Variants in LRRC4C observed in about 807,000 individuals in gnomAD.
The protein encoded by LRRC4C is leucine rich repeat containing 4C.
A neutral mutation model predicts 33.6 loss-of-function variants in LRRC4C; 5 were observed. That is an observed-to-expected ratio of 0.15 (90% confidence interval 0.08 to 0.31). The LOEUF (loss-of-function observed/expected upper bound fraction) is 0.31. Ranked by LOEUF, LRRC4C falls within the 10% of genes least tolerant of loss-of-function variation. The pLI is 1.00. For missense variants in LRRC4C, 560 were observed against 796.7 expected (o/e 0.70, Z 3.58); for synonymous variants, 329 against 302.0 (o/e 1.09, Z -0.93).
chr11:41,006,528 G>A (rs973511467), intron 1 of LRRC4C, among the ~76,000 whole-genome samples: 3 of 152,238 alleles, frequency 2.0e-5, no homozygotes, highest in Non-Finnish European at 2.9e-5. Context: ...AGGACACAGA[G>A]GACAGAGCCT....
intron 2 of LRRC4C, among the ~76,000 whole-genome samples, chr11:40,753,443 A>T (rs1948795545): frequency 6.6e-6 from 1 of 151,824 alleles, no homozygotes; most frequent in African/African-American, 2.4e-5. Flanking sequence ...TACATAAAAA[A>T]CCAATATATG....
chr11:41,064,991 C>G (rs945614346), intron 1 of LRRC4C, among the ~76,000 whole-genome samples: 2 of 152,328 alleles, frequency 1.3e-5, no homozygotes, highest in East Asian at 1.9e-4. Flanking sequence ...GCTGTTCAGG[C>G]AGGCACTGAG....
intron 2 of LRRC4C, among the ~76,000 whole-genome samples, chr11:40,676,988 C>A (rs1209714724): frequency 6.6e-6 from 1 of 152,150 alleles, no homozygotes; most frequent in South Asian, 2.1e-4. Flanking sequence ...TTTTACCATT[C>A]CTGCCCAGCA....
intron 4 of LRRC4C, among the ~76,000 whole-genome samples, chr11:40,288,816 ATAATT>A (rs1228162733): frequency 6.6e-6 from 1 of 152,220 alleles, no homozygotes; most frequent in African/African-American, 2.4e-5. Flanking sequence ...TTTATACCAT[ATAATT>A]TAAATTATGT....
intron 5 of LRRC4C, among the ~76,000 whole-genome samples, chr11:40,159,750 T>G (rs1859004471): frequency 6.6e-6 from 1 of 152,218 alleles, no homozygotes; most frequent in African/African-American, 2.4e-5. Flanking sequence ...CCTACTCAAC[T>G]GCAGACTGTC....
chr11:41,288,328 A>T (rs1449604607), intron 1 of LRRC4C, among the ~76,000 whole-genome samples: 1 of 152,190 alleles, frequency 6.6e-6, no homozygotes, highest in East Asian at 1.9e-4. Context: ...TGGGGAAAAT[A>T]ATGTCCTTGT....
intron 1 of LRRC4C, among the ~76,000 whole-genome samples, chr11:41,211,875 T>C (rs1417754245): frequency 6.6e-6 from 1 of 152,208 alleles, no homozygotes; most frequent in African/African-American, 2.4e-5. Context: ...CAAATGGTAT[T>C]TCTAGTTCTA....
intron 1 of LRRC4C, among the ~76,000 whole-genome samples, chr11:41,368,034 C>T (rs963472746): frequency 3.3e-5 from 5 of 152,164 alleles, no homozygotes; most frequent in African/African-American, 1.2e-4. Flanking sequence ...TGGGAAATTA[C>T]TTTCAATGTG....
At chr11:41,325,689 CAACAACAACAACAA>C (rs918474227) in intron 1 of LRRC4C, among the ~76,000 whole-genome samples, 3 of 149,652 alleles carry the variant, frequency 2.0e-5, no homozygotes, top group African/African-American at 7.4e-5. Flanking sequence ...ACAACAACAA[CAACAACAACAACAA>C]AACAACAACA....
intron 1 of LRRC4C, among the ~76,000 whole-genome samples, chr11:41,190,542 C>T (rs1175921918): frequency 3.3e-5 from 5 of 152,108 alleles, no homozygotes; most frequent in Non-Finnish European, 7.4e-5. Context: ...TAAATGTTTC[C>T]TTTCACTGCA....
At chr11:41,452,375 T>C (rs1243945303) in intron 1 of LRRC4C, among the ~76,000 whole-genome samples, 2 of 152,132 alleles carry the variant, frequency 1.3e-5, no homozygotes, top group African/African-American at 2.4e-5. Context: ...AAGGAACAGC[T>C]AGAACATCAA....
At chr11:40,646,744 C>G (rs185303901) in intron 3 of LRRC4C, among the ~76,000 whole-genome samples, 1 of 152,150 alleles carries the variant, frequency 6.6e-6, no homozygotes, top group Non-Finnish European at 1.5e-5. Context: ...GTAGCTGGGA[C>G]TACAGGCGCC....
intron 5 of LRRC4C, among the ~76,000 whole-genome samples, chr11:40,215,262 A>G (rs1274802987): frequency 1.3e-5 from 2 of 152,178 alleles, no homozygotes; most frequent in Non-Finnish European, 2.9e-5. Flanking sequence ...TACAGATGAG[A>G]AAGATGAAGT....
chr11:40,495,813 G>GTTTTTTTTTTTT lies in LRRC4C; in HGVS notation c.-270+152317_-270+152328dup, dbSNP rs77683172. 2.4e-3 allele frequency among the ~76,000 whole-genome samples: 160 copies of GTTTTTTTTTTTT among 67,010 alleles called. 38 individuals are homozygous for GTTTTTTTTTTTT. The highest frequency in any genetic ancestry group is 3.0e-3 in the African/African-American group (48 of 15,812). The allele number at this position is 67,010 out of a possible 152,430, so 44.0% of individuals were successfully genotyped here. A position where few individuals can be genotyped will look rare whatever the true frequency, so the allele number is the denominator to read the frequency against. On this transcript the variant is annotated intron_variant, in intron 3 of 6. Coordinates refer to ENST00000528697, the MANE Select transcript of LRRC4C (RefSeq NM_001258419.2). ...TTTTATTGAAGTTCTCAATAAACAT[G>GTTTTTTTTTTTT]TTTTTTTTTTTTTTTTTTTTTTTTT...
intron 1 of LRRC4C, among the ~76,000 whole-genome samples, chr11:41,302,539 C>T (rs748086374): frequency 5.3e-5 from 8 of 152,050 alleles, no homozygotes; most frequent in Non-Finnish European, 1.2e-4. Flanking sequence ...GTTTGATGCA[C>T]ATCAAATGGC....
intron 4 of LRRC4C, among the ~76,000 whole-genome samples, chr11:40,287,523 A>T (rs1943926963): frequency 6.6e-6 from 1 of 152,180 alleles, no homozygotes; most frequent in South Asian, 2.1e-4. Flanking sequence ...ACATAACAAA[A>T]CCTTTGCATT....
At chr11:40,191,976 A>G (rs1165854527) in intron 5 of LRRC4C, among the ~76,000 whole-genome samples, 1 of 152,088 alleles carries the variant, frequency 6.6e-6, no homozygotes, top group Non-Finnish European at 1.5e-5. Flanking sequence ...ATAAATAAAT[A>G]AAAGTCTATA....
chr11:41,079,449 C>A (rs570440197), intron 1 of LRRC4C, among the ~76,000 whole-genome samples: 1 of 152,280 alleles, frequency 6.6e-6, no homozygotes, highest in East Asian at 1.9e-4. Flanking sequence ...CTATACTATT[C>A]ACTCCCAATA....
At chr11:41,304,190 C>A (rs1211436826) in intron 1 of LRRC4C, among the ~76,000 whole-genome samples, 4 of 108,092 alleles carry the variant, frequency 3.7e-5, no homozygotes, top group Non-Finnish European at 6.4e-5. Flanking sequence ...CAGCCCCCCG[C>A]CTGGCCAGCC....
Sources: allele counts gnomAD v4.1 joint callset (sites outside exome capture counted in the v4.1 genomes callset), GRCh38; gene constraint gnomAD v4.1.1; transcripts MANE v1.5; gene names NCBI Gene and HGNC (gene_info 2026-07-23, HGNC 2026-07-21).